Variants in DOCK11 observed in about 807,000 individuals in gnomAD.
DOCK11 encodes the protein dedicator of cytokinesis 11.
A neutral mutation model predicts 169.1 loss-of-function variants in DOCK11; 70 were observed. The observed-to-expected ratio is 0.41, with a 90% CI of 0.34 to 0.51. DOCK11 has a LOEUF of 0.51. DOCK11 is among the 20% of genes least tolerant of loss of function. The pLI is 0.10. For synonymous variants in DOCK11, 529 were observed against 541.3 expected (o/e 0.98, Z 0.32); for missense variants, 1,166 against 1,538.8 (o/e 0.76, Z 4.05).
At chrX:118,670,075 A>G (rs2016431057) in intron 45 of DOCK11, among the ~76,000 whole-genome samples, 1 of 112,150 alleles carries the variant, frequency 8.9e-6, no homozygotes, top group African/African-American at 3.2e-5. Flanking sequence ...TGGGGTTACA[A>G]CTTCAACTTA....
intron 23 of DOCK11, among the ~76,000 whole-genome samples, chrX:118,600,432 G>T (rs768150400): frequency 2.0e-5 from 2 of 102,385 alleles, no homozygotes; most frequent in African/African-American, 7.1e-5. Context: ...AAAGAAAAAA[G>T]AAAAAGATTA....
At chrX:118,585,184 T>G (rs2013781108) in intron 16 of DOCK11, 67 bp downstream of exon 16, 3 of 1,018,994 alleles carry the variant, frequency 2.9e-6, no homozygotes, top group Non-Finnish European at 4.1e-6. Flanking sequence ...CCTTTCAATA[T>G]TTTTCTTGAG....
At chrX:118,585,803 T>C (rs911253782) in intron 16 of DOCK11, among the ~76,000 whole-genome samples, 2 of 111,261 alleles carry the variant, frequency 1.8e-5, no homozygotes, top group Non-Finnish European at 3.8e-5. Flanking sequence ...TTTCTTTTCT[T>C]GTCTAAGGAC....
At chrX:118,577,730 C>G (rs1343681769) in intron 12 of DOCK11, among the ~76,000 whole-genome samples, 2 of 111,618 alleles carry the variant, frequency 1.8e-5, no homozygotes, top group East Asian at 5.6e-4. Context: ...GATAATGTGT[C>G]TGAAATGCAT....
Position 118,566,049 on chromosome X carries a change from T to A in DOCK11, c.738T>A (p.Asp246Glu). Residue 246 changes from aspartate to glutamate, a missense_variant, in exon 8 of 53, where the codon GAT (aspartate) becomes GAA (glutamate). Asp to Glu is a conservative substitution (Grantham distance 45). Coordinates refer to ENST00000276202, the MANE Select transcript of DOCK11 (RefSeq NM_144658.4). ...ATGCTTTTGAACTCAAGATGTTAGATAAATATAGCCATTATCTGGCTGCTG... is the reference window on the plus strand; with the variant it reads ...ATGCTTTTGAACTCAAGATGTTAGAAAAATATAGCCATTATCTGGCTGCTG... ...RRHAFELKMLDKYSHYLAAET... is the reference protein window; with the variant it reads ...RRHAFELKMLEKYSHYLAAET... 1 of 1,211,031 alleles carries A rather than the reference T, an allele frequency of 8.3e-7. No individual in the cohort carries two copies. The highest frequency in any genetic ancestry group is 1.1e-6 in the Non-Finnish European group (1 of 895,163).
chrX:118,658,311 A>G (rs2016129555), intron 44 of DOCK11, among the ~76,000 whole-genome samples: 1 of 112,766 alleles, frequency 8.9e-6, no homozygotes, highest in Admixed American at 9.4e-5. Context: ...TACATTATAA[A>G]ACATTTTTAA....
intron 35 of DOCK11, among the ~76,000 whole-genome samples, chrX:118,636,074 C>T (rs897899162): frequency 6.3e-5 from 7 of 111,336 alleles, no homozygotes; most frequent in African/African-American, 1.6e-4. Flanking sequence ...AGAAATGATA[C>T]GAAGATTGGG....
At chrX:118,516,521 A>G (rs1361703078) in intron 1 of DOCK11, among the ~76,000 whole-genome samples, 1 of 106,942 alleles carries the variant, frequency 9.4e-6, no homozygotes, top group East Asian at 2.9e-4. Flanking sequence ...GGCTCACTGC[A>G]TCCTTCTCCC....
At chrX:118,539,821 C>CG (rs919516151) in intron 1 of DOCK11, among the ~76,000 whole-genome samples, 45 of 109,017 alleles carry the variant, frequency 4.1e-4, no homozygotes, top group African/African-American at 1.4e-3. Flanking sequence ...GAGGTCAAGG[C>CG]GGGGGGATCA....
At chrX:118,628,095 G>T in intron 33 of DOCK11, 68 bp from the exon 34 acceptor site, 2 of 660,857 alleles carry the variant, frequency 3.0e-6, no homozygotes, top group Non-Finnish European at 4.7e-6. Context: ...AATTAGTTCC[G>T]TACTTTTTAA....
chrX:118,549,879 A>T (rs995751290), intron 6 of DOCK11, among the ~76,000 whole-genome samples: 2 of 111,919 alleles, frequency 1.8e-5, no homozygotes, highest in Non-Finnish European at 3.8e-5. Flanking sequence ...TACACAGCTT[A>T]AAAAAAGTTA....
intron 1 of DOCK11, among the ~76,000 whole-genome samples, chrX:118,542,336 A>C (rs1448497981): frequency 9.1e-6 from 1 of 109,698 alleles, no homozygotes; most frequent in Non-Finnish European, 1.9e-5. Flanking sequence ...ACACCCAGCT[A>C]ATTTTTGTAC....
chrX:118,499,191 G>A (rs1317867779), intron 1 of DOCK11, among the ~76,000 whole-genome samples: 3 of 112,047 alleles, frequency 2.7e-5, no homozygotes, highest in African/African-American at 9.7e-5. Context: ...TTGTAATTCA[G>A]GATGTAGCTA....
At chrX:118,511,450 G>A (rs2057650598) in intron 1 of DOCK11, among the ~76,000 whole-genome samples, 1 of 112,305 alleles carries the variant, frequency 8.9e-6, no homozygotes, top group Non-Finnish European at 1.9e-5. Flanking sequence ...ATTATTAAAT[G>A]TGAAAGGGTA....
intron 42 of DOCK11, among the ~76,000 whole-genome samples, chrX:118,653,921 A>G (rs1445605221): frequency 8.9e-6 from 1 of 112,279 alleles, no homozygotes; most frequent in Non-Finnish European, 1.9e-5. Context: ...CCAAAAACAA[A>G]CTTTGAAAGC....
At chrX:118,671,867 C>T (rs1225713606) in intron 46 of DOCK11, among the ~76,000 whole-genome samples, 10 of 111,909 alleles carry the variant, frequency 8.9e-5, no homozygotes, top group South Asian at 3.7e-4. Context: ...TTAGTAGAGA[C>T]GGGGTTTCAC....
chrX:118,672,610 T>C, intron 46 of DOCK11, among the ~76,000 whole-genome samples: 1 of 112,110 alleles, frequency 8.9e-6, no homozygotes, highest in Non-Finnish European at 1.9e-5. Flanking sequence ...TATTTTTTTG[T>C]ATTTTTAGTA....
chrX:118,670,887 G>T (rs1251943101), intron 45 of DOCK11, 136 bp from the exon 46 acceptor site: 3 of 432,511 alleles, frequency 6.9e-6, no homozygotes. Flanking sequence ...CGTCACACAA[G>T]TATGTTCCTT....
At chrX:118,566,774 T>G (rs2013092442) in intron 9 of DOCK11, 121 bp downstream of exon 9, 12 of 628,293 alleles carry the variant, frequency 1.9e-5, no homozygotes, top group Non-Finnish European at 2.4e-5. Flanking sequence ...AGCAAATTGG[T>G]GAAACAGGTA....
Sources: allele counts gnomAD v4.1 joint callset (sites outside exome capture counted in the v4.1 genomes callset), GRCh38; gene constraint gnomAD v4.1.1; transcripts MANE v1.5; gene names NCBI Gene and HGNC (gene_info 2026-07-23, HGNC 2026-07-21).